PCDH15: variants seen among roughly 807,000 people sequenced by gnomAD.
PCDH15 encodes protocadherin related 15.
A neutral mutation model predicts 178.5 loss-of-function variants in PCDH15; 129 were observed. The ratio of observed to expected loss-of-function variants is 0.72; its 90% CI spans 0.63 to 0.84. PCDH15 has a LOEUF of 0.84. PCDH15 is among the 40% of genes least tolerant of loss of function. The pLI is 0.00. For missense variants in PCDH15, 2,230 were observed against 2,099.9 expected, an observed-to-expected ratio of 1.06 and a Z score of -1.21; for synonymous variants, 800 against 732.0, an observed-to-expected ratio of 1.09 and a Z score of -1.50.
intron 1 of PCDH15, among the ~76,000 whole-genome samples, chr10:54,799,934 G>A (rs528535764): frequency 3.2e-4 from 48 of 152,200 alleles, no homozygotes; most frequent in African/African-American, 1.1e-3. Context: ...AGCATTTTGC[G>A]CTCAAAATAT....
intron 1 of PCDH15, among the ~76,000 whole-genome samples, chr10:54,758,158 C>G (rs1169797916): frequency 6.6e-6 from 1 of 152,266 alleles, no homozygotes; most frequent in East Asian, 1.9e-4. Context: ...AATAGTTCCT[C>G]AAATTAAAAT....
chr10:55,109,965 A>T (rs1405738450), intron 2 of PCDH15, among the ~76,000 whole-genome samples: 4 of 151,670 alleles, frequency 2.6e-5, no homozygotes, highest in African/African-American at 9.7e-5. Flanking sequence ...TAAACAGTAT[A>T]AACATTTAAC....
intron 8 of PCDH15, among the ~76,000 whole-genome samples, chr10:54,284,877 GT>G (rs1488389861): frequency 6.6e-6 from 1 of 152,130 alleles, no homozygotes; most frequent in Non-Finnish European, 1.5e-5. Flanking sequence ...GGTTCATGGA[GT>G]CATACAAGCT....
chr10:54,148,836 C>T (rs73243601), intron 14 of PCDH15, among the ~76,000 whole-genome samples: 4,143 of 151,886 alleles, frequency 0.027, 188 homozygotes, highest in African/African-American at 0.094. Context: ...CTCTGCTCCC[C>T]TAAAATCTGC....
At position 54,493,112 on chromosome 10, in the gene PCDH15, T is replaced by C. The variant is rs570321029; in HGVS notation, c.157+34700A>G. On this transcript the variant is annotated intron_variant, in intron 3 of 37. Transcript: ENST00000644397. ...CATGATTCAATTACCTCCCACTGGG[T>C]CCCTCCCTCAATACATGGGAATTCA... 6.4e-3 allele frequency among the ~76,000 whole-genome samples: 974 copies of C among 152,142 alleles called. 2 individuals are homozygous for C. The highest frequency in any genetic ancestry group is 0.01 in the Non-Finnish European group (690 of 67,984).
chr10:53,879,037 T>C (rs1317657127), intron 26 of PCDH15, among the ~76,000 whole-genome samples: 1 of 152,198 alleles, frequency 6.6e-6, no homozygotes, highest in Non-Finnish European at 1.5e-5. Flanking sequence ...TGTTTTACTA[T>C]TGCATTTACT....
At chr10:55,224,129 T>A (rs1161559254) in intron 1 of PCDH15, among the ~76,000 whole-genome samples, 1 of 152,006 alleles carries the variant, frequency 6.6e-6, no homozygotes. Flanking sequence ...TGAGCCCAGG[T>A]TGTGGAGCTT....
intron 26 of PCDH15, among the ~76,000 whole-genome samples, chr10:53,890,913 A>T (rs2081511708): frequency 1.3e-5 from 2 of 152,204 alleles, no homozygotes; most frequent in Admixed American, 1.3e-4. Flanking sequence ...ATTAATTGAA[A>T]CTAATAGGAA....
In PCDH15 at chr10:54,462,680, A is replaced by ATTTT. The variant is rs767750465; in HGVS notation, c.157+65128_157+65131dup. Among the ~76,000 whole-genome samples, 336 of 56,212 alleles carry ATTTT rather than the reference A, an allele frequency of 6.0e-3. 40 individuals carry two copies. Among genetic ancestry groups the ATTTT allele is most frequent in the African/African-American group, 0.023 (260 of 11,252 alleles). The allele number at this position is 56,212 out of a possible 152,430, so 36.9% of individuals were successfully genotyped here. On this transcript the variant is annotated intron_variant, in intron 3 of 37. Transcript: ENST00000644397. Reference sequence around the variant, plus strand: ...AGGCACGTGTCACCACACCTGCTTAATTTTTTTTTTTTTTTTTTTTTTTTT... The same window carrying ATTTT: ...AGGCACGTGTCACCACACCTGCTTAATTTTTTTTTTTTTTTTTTTTTTTTTTTTT...
intron 2 of PCDH15, among the ~76,000 whole-genome samples, chr10:55,532,000 C>A (rs1185600948): frequency 6.6e-6 from 1 of 151,700 alleles, no homozygotes; most frequent in Non-Finnish European, 1.5e-5. Context: ...TTTTTTTTAT[C>A]AAATTAAAGA....
chr10:54,826,830 T>G (rs922281222), intron 3 of PCDH15, among the ~76,000 whole-genome samples: 16 of 152,042 alleles, frequency 1.1e-4, no homozygotes, highest in Non-Finnish European at 1.5e-5. Flanking sequence ...TATAAAGCTA[T>G]TGTATTACTA....
At position 55,350,832 on chromosome 10, in the gene PCDH15, A is replaced by C. The variant is rs183654519; in HGVS notation, c.-155-184181T>G. On this transcript the variant is annotated intron_variant, in intron 2 of 5. Coordinates refer to the PCDH15 transcript ENST00000613346. ...TTACACAGTATTTAGTAACATGGGA[A>C]ATTCTCACACAACTGTTTGGATTCT... Among the ~76,000 whole-genome samples, 225 of 152,212 alleles carry C rather than the reference A, an allele frequency of 1.5e-3. 1 individual carries two copies. Among genetic ancestry groups the C allele is most frequent in the African/African-American group, 5.1e-3 (212 of 41,558 alleles).
At chr10:55,374,413 G>T (rs1035039593) in intron 2 of PCDH15, among the ~76,000 whole-genome samples, 2 of 152,122 alleles carry the variant, frequency 1.3e-5, no homozygotes, top group Admixed American at 1.3e-4. Context: ...TCATTCCAGT[G>T]CTTGACTGAA....
chr10:54,116,011 G>A (rs1194759394), intron 15 of PCDH15, among the ~76,000 whole-genome samples: 1 of 152,056 alleles, frequency 6.6e-6, no homozygotes, highest in African/African-American at 2.4e-5. Context: ...TTGAAAGAAG[G>A]GTGTTTCAAT....
intron 8 of PCDH15, among the ~76,000 whole-genome samples, chr10:54,263,336 A>C (rs2057458224): frequency 6.6e-6 from 1 of 152,138 alleles, no homozygotes; most frequent in Admixed American, 6.5e-5. Flanking sequence ...TAAAAGGGTC[A>C]CCACCAAGGC....
intron 2 of PCDH15, among the ~76,000 whole-genome samples, chr10:55,333,989 A>C (rs1015800362): frequency 5.3e-5 from 8 of 151,620 alleles, no homozygotes; most frequent in Admixed American, 1.3e-4. Context: ...GCTGATATTT[A>C]TATGTTCCTT....
chr10:54,122,606 A>G (rs1295680044), intron 15 of PCDH15, among the ~76,000 whole-genome samples: 2 of 152,062 alleles, frequency 1.3e-5, no homozygotes, highest in South Asian at 2.1e-4. Flanking sequence ...AAAAAATCAG[A>G]CTATCTGCCT....
chr10:55,073,713 A>G (rs894388172), intron 2 of PCDH15, among the ~76,000 whole-genome samples: 30 of 152,108 alleles, frequency 2.0e-4, no homozygotes, highest in African/African-American at 6.8e-4. Flanking sequence ...ATACTTTGAG[A>G]AGAATTGGTA....
At position 55,334,588 on chromosome 10, in the gene PCDH15, T is replaced by C. The variant is rs1310954938; in HGVS notation, c.-155-167937A>G. Reference sequence around the variant, plus strand: ...TCCCAAAGTGCTGGCATTACAGGCGTGAGCCATGGTGCCCGGCTGGGTGCT... The same window carrying C: ...TCCCAAAGTGCTGGCATTACAGGCGCGAGCCATGGTGCCCGGCTGGGTGCT... On this transcript the variant is annotated intron_variant, in intron 2 of 5. Transcript: ENST00000613346. Among the ~76,000 whole-genome samples the C allele has an allele frequency of 2.0e-5, 3 of 151,862 alleles. No individual in the cohort carries two copies. In the East Asian group the frequency reaches 5.8e-4, roughly 29 times the overall value.
Sources: gnomAD v4.1 joint callset for allele counts (sites outside exome capture counted in the v4.1 genomes callset) on GRCh38, gnomAD v4.1.1 for gene constraint, MANE v1.5 for transcripts, NCBI Gene and HGNC (gene_info 2026-07-23, HGNC 2026-07-21) for gene names.